Variants in DTNBP1 observed in about 807,000 individuals in gnomAD.
DTNBP1 encodes dystrobrevin binding protein 1, also known as dysbindin.
A neutral mutation model predicts 42.8 loss-of-function variants in DTNBP1; 35 were observed. That is an observed-to-expected ratio of 0.82 (90% CI 0.63 to 1.09). The LOEUF (loss-of-function observed/expected upper bound fraction) is 1.09, where lower values mean the gene tolerates loss of function less well. Ranked by LOEUF, DTNBP1 falls within the 50% of genes least tolerant of loss-of-function variation. The pLI is 0.00. For missense variants in DTNBP1, 457 were observed against 424.2 expected, an observed-to-expected ratio of 1.08 and a Z score of -0.68; for synonymous variants, 171 against 162.2, an observed-to-expected ratio of 1.05 and a Z score of -0.41.
intron 7 of DTNBP1, among the ~76,000 whole-genome samples, chr6:15,552,456 C>G (rs906832816): frequency 3.9e-5 from 6 of 152,142 alleles, no homozygotes; most frequent in African/African-American, 7.2e-5. Flanking sequence ...TTTAACACAT[C>G]CAAGATATTA....
intron 7 of DTNBP1, among the ~76,000 whole-genome samples, chr6:15,541,980 T>C (rs1773590719): frequency 1.3e-5 from 2 of 152,106 alleles, no homozygotes; most frequent in Admixed American, 1.3e-4. Flanking sequence ...GTTCAAAATG[T>C]TAAAAGAGAA....
rs16876687 is a variant in DTNBP1 at position 15,605,540 on chromosome 6, T to C, written c.488+9727A>G. On this transcript the variant is annotated intron_variant, in intron 6 of 9. Transcript: ENST00000344537. ...TCCATTTTATTTCCTTTGAGGTTTA[T>C]ATTATTGTCTGAAATTATTCTTTTT... is the stretch of plus-strand genomic sequence containing the variant. Among the ~76,000 whole-genome samples, 1,124 of 152,314 alleles carry C rather than the reference T, an allele frequency of 7.4e-3. 21 individuals are homozygous for C. The highest frequency in any genetic ancestry group is 0.026 in the African/African-American group (1,070 of 41,570).
chr6:15,631,038 G>A (rs920689340), intron 4 of DTNBP1, among the ~76,000 whole-genome samples: 3 of 152,148 alleles, frequency 2.0e-5, no homozygotes, highest in African/African-American at 4.8e-5. Context: ...AAGTAGATGA[G>A]TATAAAATAA....
intron 3 of DTNBP1, among the ~76,000 whole-genome samples, chr6:15,643,554 C>G (rs1760499381): frequency 6.6e-6 from 1 of 151,924 alleles, no homozygotes; most frequent in African/African-American, 2.4e-5. Context: ...GGCCAAATTA[C>G]CCATAGAGGA....
intron 3 of DTNBP1, among the ~76,000 whole-genome samples, chr6:15,645,949 A>G (rs949294095): frequency 3.9e-5 from 6 of 152,090 alleles, no homozygotes; most frequent in Non-Finnish European, 8.8e-5. Context: ...GCAATCAAGC[A>G]TGAGAAAGAA....
chr6:15,633,022 C>A (rs1759781573), intron 4 of DTNBP1, among the ~76,000 whole-genome samples: 1 of 152,158 alleles, frequency 6.6e-6, no homozygotes, highest in Non-Finnish European at 1.5e-5. Context: ...TCTCGAATTG[C>A]ATTTCAAATA....
At chr6:15,642,042 T>C (rs779142179) in intron 3 of DTNBP1, among the ~76,000 whole-genome samples, 6 of 152,148 alleles carry the variant, frequency 3.9e-5, no homozygotes, top group Non-Finnish European at 8.8e-5. Context: ...ACACAGCGTA[T>C]TTCATGCATC....
intron 9 of DTNBP1, chr6:15,523,424 T>G: frequency 7.9e-7 from 1 of 1,258,490 alleles, no homozygotes; most frequent in South Asian, 1.5e-5. Flanking sequence ...GCGGTGACCC[T>G]TCTGTCCCCT....
Position 15,662,922 on chromosome 6 carries a change from T to C in DTNBP1, c.-53A>G. On this transcript the variant is annotated 5_prime_UTR_variant, in exon 1 of 10. Coordinates refer to ENST00000344537, the MANE Select transcript of DTNBP1 (RefSeq NM_032122.5). ...AGGCCTCGGGCTGCTGCTGCCTCTG[T>C]CGCCCCCTGGGTCCCACGCCGCCAA... The C allele has an allele frequency of 6.3e-7, 1 of 1,598,240 alleles. No individual in the cohort carries two copies. The highest frequency in any genetic ancestry group is 8.5e-7 in the Non-Finnish European group (1 of 1,177,978).
intron 9 of DTNBP1, 133 bp from the exon 10 acceptor site, chr6:15,523,352 G>A: frequency 1.5e-6 from 2 of 1,343,960 alleles, no homozygotes; most frequent in Non-Finnish European, 2.1e-6. Context: ...GGGGCCTGCA[G>A]AACTTGGGAA....
rs993960897 is a variant in DTNBP1, at chr6:15,562,314, A to G, written c.512-28919T>C. 4.8e-4 allele frequency among the ~76,000 whole-genome samples: 73 copies of G among 152,240 alleles called. 1 individual carries two copies. The highest frequency in any genetic ancestry group is 1.7e-3 in the African/African-American group (71 of 41,550). ...AATATCATGTTGTGTTTTTTTCATA[A>G]TTTATAGCAGCATTTACTTATCTGT... is the stretch of plus-strand genomic sequence containing the variant. On this transcript the variant is annotated intron_variant, in intron 7 of 9. Coordinates refer to ENST00000344537, the MANE Select transcript of DTNBP1 (RefSeq NM_032122.5).
intron 1 of DTNBP1, among the ~76,000 whole-genome samples, chr6:15,661,385 A>C (rs1363708095): frequency 1.3e-5 from 2 of 150,640 alleles, no homozygotes; most frequent in African/African-American, 4.9e-5. Flanking sequence ...GTGGGCCGGG[A>C]ACGGTGGCAC....
Position 15,524,600 on chromosome 6 carries a change from A to G in DTNBP1, c.737T>C (p.Ile246Thr), listed in dbSNP as rs1772227737. The part of the protein sequence containing the change: ...DMLEQMDLMD[I>T]SDQEALDVFL... The stretch of plus-strand genomic sequence containing the variant: ...GACGTCCAGGGCCTCCTGGTCCGAT[A>G]TGTCCATCAGGTCCATCTGCTCCAG... Residue 246 changes from isoleucine to threonine, a missense_variant, in exon 9 of 10, where the codon ATA (isoleucine) becomes ACA (threonine). Ile to Thr is a moderately conservative substitution (Grantham distance 89). Transcript: ENST00000344537. 6.2e-7 allele frequency: 1 copy of G among 1,613,680 alleles called. No homozygotes were observed. Among genetic ancestry groups the G allele is most frequent in the African/African-American group, 1.3e-5 (1 of 74,920 alleles).
chr6:15,592,312 TCA>T (rs1378670825), intron 7 of DTNBP1, among the ~76,000 whole-genome samples: 52 of 152,362 alleles, frequency 3.4e-4, no homozygotes, highest in African/African-American at 1.2e-3. Context: ...AAAAGTTTTC[TCA>T]GTTATTGAAA....
rs145180940 is a variant in DTNBP1 at position 15,628,850 on chromosome 6, C to T, written c.223-1375G>A. Among the ~76,000 whole-genome samples, 8 of 152,250 alleles carry T rather than the reference C, an allele frequency of 5.3e-5. No homozygotes were observed. The East Asian group carries it at 5.8e-4, about 11-fold the overall frequency. On this transcript the variant is annotated intron_variant, in intron 4 of 9. Coordinates refer to ENST00000344537, the MANE Select transcript of DTNBP1 (RefSeq NM_032122.5). ...TATGTAGTACTAGATTGTTTTTGTT[C>T]GTACATTTCACTATAGTAGGAATTC...
intron 7 of DTNBP1, among the ~76,000 whole-genome samples, chr6:15,565,196 T>G (rs1313864240): frequency 6.6e-6 from 1 of 152,188 alleles, no homozygotes; most frequent in African/African-American, 2.4e-5. Context: ...TAGGCAAGGA[T>G]GAGGAGAAAC....
intron 7 of DTNBP1, among the ~76,000 whole-genome samples, chr6:15,561,932 C>A (rs939565689): frequency 6.6e-6 from 1 of 152,186 alleles, no homozygotes; most frequent in Admixed American, 6.5e-5. Flanking sequence ...CATTAGCATG[C>A]TAAAAGACAC....
At chr6:15,555,995 T>C (rs567523840) in intron 7 of DTNBP1, among the ~76,000 whole-genome samples, 6 of 152,234 alleles carry the variant, frequency 3.9e-5, no homozygotes, top group African/African-American at 9.6e-5. Flanking sequence ...GCAGCACTAA[T>C]TGGCCAACTT....
chr6:15,639,635 T>G (rs1332810766), intron 3 of DTNBP1, among the ~76,000 whole-genome samples: 3 of 152,222 alleles, frequency 2.0e-5, no homozygotes, highest in Non-Finnish European at 4.4e-5. Context: ...TGTATCAGAT[T>G]ATGTAAGCAT....
Sources: allele counts gnomAD v4.1 joint callset (sites outside exome capture counted in the v4.1 genomes callset), GRCh38; gene constraint gnomAD v4.1.1; transcripts MANE v1.5; gene names NCBI Gene and HGNC (gene_info 2026-07-23, HGNC 2026-07-21).